Variants in ADAM10 observed in about 807,000 individuals in gnomAD.
The protein encoded by ADAM10 is disintegrin and metalloproteinase domain-containing protein 10.
Under a neutral mutation model 90.1 loss-of-function variants are expected in ADAM10, and 17 were observed. That is an observed-to-expected ratio of 0.19 (90% confidence interval 0.13 to 0.28). The LOEUF (loss-of-function observed/expected upper bound fraction) is 0.28, where lower values mean the gene tolerates loss of function less well. Ranked by LOEUF, ADAM10 falls within the 10% of genes least tolerant of loss-of-function variation. The pLI, the probability that ADAM10 is intolerant of heterozygous loss-of-function variation, is 1.00. For synonymous variants in ADAM10, 310 were observed against 298.6 expected (o/e 1.04, Z -0.40); for missense variants, 610 against 914.3 (o/e 0.67, Z 4.29).
At chr15:58,619,561 A>C (rs1202606734) in intron 11 of ADAM10, among the ~76,000 whole-genome samples, 1 of 152,222 alleles carries the variant, frequency 6.6e-6, no homozygotes, top group Non-Finnish European at 1.5e-5. Flanking sequence ...GCATGTATCA[A>C]AATATCACAT....
At chr15:58,680,003 G>T (rs1376189799) in intron 3 of ADAM10, among the ~76,000 whole-genome samples, 1 of 152,118 alleles carries the variant, frequency 6.6e-6, no homozygotes, top group Non-Finnish European at 1.5e-5. Flanking sequence ...GACATCCAAA[G>T]CATCTTTTGA....
chr15:58,686,904 T>C lies in ADAM10; in HGVS notation c.207-4590A>G, dbSNP rs551797734. ...ACCACCAAACATACCAAAATGCACCTCTTTCATAAGTGAGTTACTAAGATT... is the reference window on the plus strand; with the variant it reads ...ACCACCAAACATACCAAAATGCACCCCTTTCATAAGTGAGTTACTAAGATT... On this transcript the variant is annotated intron_variant, in intron 2 of 15. Transcript: ENST00000260408. 2.6e-5 allele frequency among the ~76,000 whole-genome samples: 4 copies of C among 152,284 alleles called. No individual in the cohort carries two copies. The South Asian group carries it at 8.3e-4, about 32-fold the overall frequency.
intron 1 of ADAM10, among the ~76,000 whole-genome samples, chr15:58,728,198 A>G (rs1385866179): frequency 6.6e-6 from 1 of 152,238 alleles, no homozygotes; most frequent in Non-Finnish European, 1.5e-5. Flanking sequence ...AAATCCCCAA[A>G]TATTAGGAAT....
chr15:58,719,955 CCCTTCCT>C lies in ADAM10; in HGVS notation c.56-2235_56-2229del, dbSNP rs139310895. Among the ~76,000 whole-genome samples the C allele has an allele frequency of 2.5e-4, 38 of 152,246 alleles. No homozygotes were observed. In the East Asian group the frequency reaches 7.3e-3, roughly 29 times the overall value. ...ATTATCCATCATCATCATCTCTTCC[CCCTTCCT>C]CCTTTTCTTCCTTCTCCCACACTTT... On this transcript the variant is annotated intron_variant, in intron 1 of 15. Coordinates refer to ENST00000260408, the MANE Select transcript of ADAM10 (RefSeq NM_001110.4).
At chr15:58,634,804 G>A (rs1241678187) in intron 8 of ADAM10, among the ~76,000 whole-genome samples, 2 of 151,982 alleles carry the variant, frequency 1.3e-5, no homozygotes, top group South Asian at 2.1e-4. Context: ...TTACAACAAA[G>A]TTACTAAACC....
At chr15:58,603,578 T>C (rs1238753727) in intron 14 of ADAM10, among the ~76,000 whole-genome samples, 1 of 152,178 alleles carries the variant, frequency 6.6e-6, no homozygotes, top group African/African-American at 2.4e-5. Flanking sequence ...TCCTTCATCT[T>C]TACTTTCATT....
At chr15:58,621,823 T>G (rs1199214862) in intron 10 of ADAM10, among the ~76,000 whole-genome samples, 1 of 152,218 alleles carries the variant, frequency 6.6e-6, no homozygotes, top group Non-Finnish European at 1.5e-5. Flanking sequence ...CTTGGGGTCT[T>G]CAGTTTCTCA....
At chr15:58,638,090 C>CCT (rs1277490377) in intron 8 of ADAM10, among the ~76,000 whole-genome samples, 1 of 152,162 alleles carries the variant, frequency 6.6e-6, no homozygotes, top group Non-Finnish European at 1.5e-5. Context: ...CCCACTATGG[C>CCT]CTCTATTCTT....
At chr15:58,626,354 T>C (rs896690019) in intron 10 of ADAM10, among the ~76,000 whole-genome samples, 1 of 152,174 alleles carries the variant, frequency 6.6e-6, no homozygotes, top group Non-Finnish European at 1.5e-5. Flanking sequence ...CAAAATCCCA[T>C]GCTTATCTGG....
intron 8 of ADAM10, among the ~76,000 whole-genome samples, chr15:58,636,593 T>A (rs1037860921): frequency 5.3e-5 from 8 of 152,070 alleles, no homozygotes; most frequent in African/African-American, 1.7e-4. Flanking sequence ...TCAATTCGGG[T>A]CAAAAGTAAT....
rs1437262431 is a variant in ADAM10 at position 58,691,116 on chromosome 15, C to T, written c.207-8802G>A. On this transcript the variant is annotated intron_variant, in intron 2 of 15. Transcript: ENST00000260408. ...CATATTGGCTATCTAGCTGTAGGTG[C>T]TGGTCACAATGCGGCAGGGTGAAGA... 1.0e-5 allele frequency: 7 copies of T among 676,708 alleles called. 1 individual carries two copies. The highest frequency in any genetic ancestry group is 2.7e-5 in the South Asian group (2 of 73,358). The allele number at this position is 676,708 out of a possible 1,614,324, so 41.9% of individuals were successfully genotyped here. A position where few individuals can be genotyped will look rare whatever the true frequency, so the allele number is the denominator to read the frequency against.
intron 2 of ADAM10, among the ~76,000 whole-genome samples, chr15:58,712,707 T>G (rs1898515442): frequency 6.6e-6 from 1 of 150,488 alleles, no homozygotes; most frequent in Admixed American, 6.6e-5. Context: ...GCGCCTCTAG[T>G]CCCAGCTACT....
intron 4 of ADAM10, among the ~76,000 whole-genome samples, chr15:58,675,498 T>C (rs1397407345): frequency 1.3e-5 from 2 of 152,192 alleles, no homozygotes; most frequent in Non-Finnish European, 2.9e-5. Flanking sequence ...GGAACAATGT[T>C]TTTCTCAGTT....
chr15:58,655,715 A>ATATATATAC (rs1896804090), intron 5 of ADAM10, among the ~76,000 whole-genome samples: 1 of 65,142 alleles, frequency 1.5e-5, no homozygotes, highest in South Asian at 6.5e-4. Flanking sequence ...TATATAGTAT[A>ATATATATAC]TATATATATA....
chr15:58,599,661 T>C lies in ADAM10; in HGVS notation c.2089A>G (p.Lys697Glu), dbSNP rs765528333. ...ALIMLMAGFI[K>E]ICSVHTPSSN... ...CTTGGAGTATGAACACTGCATATCT[T>C]AATAAATCCAGCCATTAGCATGATC... Residue 697 changes from lysine (K) to glutamate (E), a missense_variant, in exon 15 of 16, where the codon AAG (lysine) becomes GAG (glutamate). By Grantham distance (56) the Lys-to-Glu change is moderately conservative (BLOSUM62 1). This residue lies in a region of ADAM10 where 150 missense variants were observed against 268.5 expected (regional missense o/e 0.56). Coordinates refer to ENST00000260408, the MANE Select transcript of ADAM10 (RefSeq NM_001110.4). The C allele has an allele frequency of 1.2e-6, 2 of 1,613,402 alleles. No homozygotes were observed.
chr15:58,703,765 G>C (rs1228481263), intron 2 of ADAM10: 1 of 152,404 alleles, frequency 6.6e-6, no homozygotes, highest in African/African-American at 2.4e-5. Flanking sequence ...TAGCGAGTGA[G>C]TTCTCACGAG....
At chr15:58,633,599 T>C (rs905440598) in intron 8 of ADAM10, among the ~76,000 whole-genome samples, 4 of 152,198 alleles carry the variant, frequency 2.6e-5, no homozygotes, top group Admixed American at 1.3e-4. Context: ...TTACAAAATG[T>C]TCTTCACAAT....
intron 2 of ADAM10, among the ~76,000 whole-genome samples, chr15:58,699,747 G>T (rs1339227105): frequency 3.3e-5 from 5 of 152,112 alleles, no homozygotes; most frequent in Admixed American, 3.3e-4. Context: ...CTGCACTCCA[G>T]CCTGAGCAAC....
intron 1 of ADAM10, 150 bp downstream of exon 1, chr15:58,749,330 A>T: frequency 9.2e-7 from 1 of 1,088,730 alleles, no homozygotes; most frequent in Non-Finnish European, 1.2e-6. Context: ...GGGGGACAAT[A>T]GGGAGCGGGG....
Sources: gnomAD v4.1 joint callset for allele counts (sites outside exome capture counted in the v4.1 genomes callset) on GRCh38, gnomAD v4.1.1 for gene constraint, gnomAD v4.1.1 regional missense constraint, MANE v1.5 for transcripts, NCBI Gene and HGNC (gene_info 2026-07-23, HGNC 2026-07-21) for gene names.